Variants in NRG1 observed in about 807,000 individuals in gnomAD.
The protein encoded by NRG1 is neuregulin 1, also known as pro-neuregulin-1, membrane-bound isoform.
NRG1 carries 18 observed loss-of-function variants against 63.8 expected under a neutral mutation model. That is an observed-to-expected ratio of 0.28 (90% CI 0.19 to 0.42). The LOEUF is 0.42. Among genes scored for constraint, NRG1 ranks in the 10% least tolerant of loss-of-function variants. The pLI is 1.00. For missense variants in NRG1, 762 were observed against 814.7 expected (o/e 0.94, Z 0.79); for synonymous variants, 302 against 301.3 (o/e 1.00, Z -0.02).
At chr8:32,743,915 G>A (rs1267867474) in intron 7 of NRG1, among the ~76,000 whole-genome samples, 1 of 152,004 alleles carries the variant, frequency 6.6e-6, no homozygotes, top group Non-Finnish European at 1.5e-5. Flanking sequence ...ACCTACTATT[G>A]TAGCATGAAA....
intron 1 of NRG1, among the ~76,000 whole-genome samples, chr8:32,117,016 C>T (rs1295172635): frequency 6.7e-6 from 1 of 150,000 alleles, no homozygotes; most frequent in East Asian, 2.0e-4. Context: ...ATGGTATATG[C>T]CTGTAGTCCT....
Position 31,640,831 on chromosome 8 carries a change from C to T in NRG1, c.37+1400C>T. 2.8e-6 allele frequency: 4 copies of T among 1,409,794 alleles called. No individual in the cohort carries two copies. Among genetic ancestry groups the T allele is most frequent in the Middle Eastern group, 2.6e-4 (1 of 3,776 alleles). 87.3% of individuals were successfully genotyped at this position (1,409,794 alleles called of 1,614,324 possible). On this transcript the variant is annotated intron_variant, in intron 1 of 10. Coordinates refer to the NRG1 transcript ENST00000519301. The surrounding 1 kb of genome is among the most constrained non-coding windows in gnomAD (Gnocchi z 6.3). Reference sequence around the variant, plus strand: ...CGGCCGCCCGAGCAAGGCAGAGGCGCTCTGGGTCCCAGTTGTTGGTTTCAG... The same window carrying T: ...CGGCCGCCCGAGCAAGGCAGAGGCGTTCTGGGTCCCAGTTGTTGGTTTCAG...
intron 1 of NRG1, among the ~76,000 whole-genome samples, chr8:32,447,061 T>G (rs1820347084): frequency 6.6e-6 from 1 of 151,856 alleles, no homozygotes; most frequent in Non-Finnish European, 1.5e-5. Flanking sequence ...TTGTGCGGGC[T>G]GGAGTGCAGT....
At chr8:32,533,964 A>T (rs1233666641) in intron 1 of NRG1, among the ~76,000 whole-genome samples, 10 of 152,100 alleles carry the variant, frequency 6.6e-5, no homozygotes, top group African/African-American at 2.4e-5. Context: ...TTATTTTTGT[A>T]TTCTAGACAT....
chr8:32,135,347 G>C lies in NRG1; in HGVS notation c.38-460481G>C, dbSNP rs1835369402. Among the ~76,000 whole-genome samples, 3 of 152,186 alleles carry C rather than the reference G, an allele frequency of 2.0e-5. No homozygotes were observed. The South Asian group carries it at 6.2e-4, about 31-fold the overall frequency. The stretch of plus-strand genomic sequence containing the variant: ...TTGCATGGGACAAGGATGGAAACTA[G>C]TTGGGAGATGAGTTAGAAGATTATT... On this transcript the variant is annotated intron_variant, in intron 1 of 10. Transcript: ENST00000519301.
At chr8:32,609,524 T>C (rs536451781) in intron 3 of NRG1, among the ~76,000 whole-genome samples, 8 of 151,390 alleles carry the variant, frequency 5.3e-5, no homozygotes, top group Admixed American at 2.0e-4. Context: ...TGATAGAGAG[T>C]AGAATTCTCA....
intron 1 of NRG1, among the ~76,000 whole-genome samples, chr8:32,561,413 A>G (rs1836367647): frequency 6.6e-6 from 1 of 152,216 alleles, no homozygotes; most frequent in African/African-American, 2.4e-5. Context: ...GACTGACAAG[A>G]TGACCATAAA....
intron 1 of NRG1, among the ~76,000 whole-genome samples, chr8:32,568,605 C>T (rs1336156102): frequency 6.6e-6 from 1 of 152,110 alleles, no homozygotes; most frequent in East Asian, 1.9e-4. Flanking sequence ...AATCCCCTGG[C>T]CTCACCCCAG....
At chr8:31,896,361 C>G (rs977935094) in intron 1 of NRG1, among the ~76,000 whole-genome samples, 1 of 152,222 alleles carries the variant, frequency 6.6e-6, no homozygotes, top group African/African-American at 2.4e-5. Flanking sequence ...TAAGTCCAAA[C>G]TCTTTAACAT....
intron 1 of NRG1, among the ~76,000 whole-genome samples, chr8:32,211,360 G>C (rs569569277): frequency 6.6e-6 from 1 of 152,240 alleles, no homozygotes; most frequent in East Asian, 1.9e-4. Flanking sequence ...TTCCATTTTA[G>C]AAACAGTGTT....
At chr8:32,450,732 A>AC (rs1399060566) in intron 1 of NRG1, among the ~76,000 whole-genome samples, 9 of 152,306 alleles carry the variant, frequency 5.9e-5, no homozygotes, top group African/African-American at 2.2e-4. Flanking sequence ...TTATTTAATA[A>AC]TAAAAAAATG....
intron 5 of NRG1, among the ~76,000 whole-genome samples, chr8:32,645,608 A>T (rs1853352971): frequency 6.6e-6 from 1 of 152,198 alleles, no homozygotes; most frequent in African/African-American, 2.4e-5. Context: ...TAATGTGCTT[A>T]AAGCGGATTT....
chr8:31,867,565 G>A (rs956658052), intron 1 of NRG1, among the ~76,000 whole-genome samples: 1 of 144,838 alleles, frequency 6.9e-6, no homozygotes, highest in African/African-American at 2.6e-5. Context: ...GTGGGTCTTG[G>A]TATATAATTC....
chr8:32,671,392 C>T lies in NRG1; in HGVS notation c.502+54507C>T, dbSNP rs146339355. On this transcript the variant is annotated intron_variant, in intron 5 of 11. Transcript: ENST00000356819. ...AGGGAGGTCTTTGTTCCAGGTATCTCACATCAGAGAGCCTTCATAACAAAT... is the reference window on the plus strand; with the variant it reads ...AGGGAGGTCTTTGTTCCAGGTATCTTACATCAGAGAGCCTTCATAACAAAT... 9.2e-5 allele frequency among the ~76,000 whole-genome samples: 14 copies of T among 152,172 alleles called. 1 individual carries two copies. The East Asian group carries it at 1.7e-3, about 19-fold the overall frequency.
intron 1 of NRG1, among the ~76,000 whole-genome samples, chr8:32,084,870 C>G (rs1256290146): frequency 6.6e-6 from 1 of 152,074 alleles, no homozygotes; most frequent in African/African-American, 2.4e-5. Flanking sequence ...CTTTTGGCTA[C>G]TTTTCTGTAA....
intron 1 of NRG1, among the ~76,000 whole-genome samples, chr8:32,454,934 A>G (rs561128393): frequency 5.2e-4 from 79 of 152,260 alleles, no homozygotes; most frequent in Non-Finnish European, 8.8e-4. Context: ...ATGTTTAGAT[A>G]AGTTTAGATG....
chr8:32,397,036 G>A (rs914807781), intron 1 of NRG1, among the ~76,000 whole-genome samples: 3 of 152,024 alleles, frequency 2.0e-5, no homozygotes, highest in South Asian at 4.1e-4. Flanking sequence ...CCACTTTCTC[G>A]CATCAAAGTC....
At chr8:32,174,787 A>C (rs2132044355) in intron 1 of NRG1, among the ~76,000 whole-genome samples, 1 of 152,320 alleles carries the variant, frequency 6.6e-6, no homozygotes, top group East Asian at 1.9e-4. Flanking sequence ...ACCAGGAAGA[A>C]GTTGAATCTC....
chr8:32,470,837 G>A (rs1823755701), intron 1 of NRG1, among the ~76,000 whole-genome samples: 1 of 150,974 alleles, frequency 6.6e-6, no homozygotes, highest in Non-Finnish European at 1.5e-5. Context: ...GTTTTGCTCT[G>A]TAACCCAGTG....
Sources: gnomAD v4.1 joint callset for allele counts (sites outside exome capture counted in the v4.1 genomes callset) on GRCh38, gnomAD v4.1.1 for gene constraint, Gnocchi (gnomAD v3.1) non-coding constraint, MANE v1.5 for transcripts, NCBI Gene and HGNC (gene_info 2026-07-23, HGNC 2026-07-21) for gene names.